GPHN: variants seen among roughly 807,000 people sequenced by gnomAD.
GPHN encodes the protein gephyrin.
In GPHN, 17 loss-of-function variants were observed where a neutral mutation model predicts 95.5. The observed-to-expected ratio is 0.18, with a 90% CI of 0.12 to 0.27. The LOEUF (loss-of-function observed/expected upper bound fraction) is 0.27, where lower values mean the gene tolerates loss of function less well. Among genes scored for constraint, GPHN ranks in the 10% least tolerant of loss-of-function variants. GPHN has a pLI of 1.00. For synonymous variants in GPHN, 320 were observed against 322.5 expected (o/e 0.99, Z 0.08); for missense variants, 660 against 978.1 (o/e 0.67, Z 4.34).
intron 1 of GPHN, among the ~76,000 whole-genome samples, chr14:66,622,659 C>G (rs1022278286): frequency 6.6e-5 from 10 of 152,152 alleles, no homozygotes; most frequent in African/African-American, 2.4e-4. Context: ...AATCATCTCT[C>G]TCAAGTTCAA....
At chr14:66,551,165 G>C (rs1028793432) in intron 1 of GPHN, 3 of 152,552 alleles carry the variant, frequency 2.0e-5, no homozygotes. Context: ...CCAGCAGTAA[G>C]GTATTTTTAA....
At chr14:67,457,058 A>G in the GPHN span, among the ~76,000 whole-genome samples, 1 of 152,218 alleles carries the variant, frequency 6.6e-6, no homozygotes, top group African/African-American at 2.4e-5. Context: ...CTTCTCGTGT[A>G]TAAGTGGGAG....
the GPHN span, among the ~76,000 whole-genome samples, chr14:67,700,039 T>C: frequency 1.3e-5 from 2 of 151,158 alleles, no homozygotes; most frequent in African/African-American, 4.9e-5. Flanking sequence ...CCTTGGGAGA[T>C]GGAGGCAGGA....
chr14:66,558,230 A>G (rs757976977), intron 1 of GPHN, among the ~76,000 whole-genome samples: 12 of 152,252 alleles, frequency 7.9e-5, no homozygotes, highest in African/African-American at 2.6e-4. Context: ...ATAAGCTTAT[A>G]GCTTCCTGAG....
At chr14:67,096,069 C>T (rs2153673567) in intron 12 of GPHN, among the ~76,000 whole-genome samples, 1 of 149,846 alleles carries the variant, frequency 6.7e-6, no homozygotes, top group Non-Finnish European at 1.5e-5. Flanking sequence ...TTTGCATGCA[C>T]ATTAACTGTT....
At chr14:67,641,696 T>C in the GPHN span, among the ~76,000 whole-genome samples, 1 of 152,130 alleles carries the variant, frequency 6.6e-6, no homozygotes, top group Non-Finnish European at 1.5e-5. Flanking sequence ...TCCCAGCACT[T>C]TGGGAGGATG....
At chr14:66,567,447 G>A (rs573378364) in intron 1 of GPHN, among the ~76,000 whole-genome samples, 125 of 152,268 alleles carry the variant, frequency 8.2e-4, no homozygotes, top group Non-Finnish European at 1.4e-3. Context: ...GGATTGTTAT[G>A]ATTCTCTTTA....
intron 18 of GPHN, among the ~76,000 whole-genome samples, chr14:67,146,254 C>T (rs1378849899): frequency 1.3e-5 from 2 of 152,262 alleles, no homozygotes; most frequent in Non-Finnish European, 2.9e-5. Flanking sequence ...TACCTTCTTC[C>T]CAGCCAAGGA....
the GPHN span, among the ~76,000 whole-genome samples, chr14:67,365,869 T>A: frequency 1.3e-5 from 2 of 152,214 alleles, no homozygotes; most frequent in African/African-American, 4.8e-5. Context: ...TAATTTTTTT[T>A]ATTATAGCCT....
At chr14:66,792,776 A>C (rs1231266103) in intron 3 of GPHN, among the ~76,000 whole-genome samples, 1 of 152,240 alleles carries the variant, frequency 6.6e-6, no homozygotes, top group South Asian at 2.1e-4. Context: ...GAAGTGGGAA[A>C]TCAAGGGTCT....
chr14:67,562,089 G>T, the GPHN span: 1 of 1,601,634 alleles, frequency 6.2e-7, no homozygotes, highest in South Asian at 1.1e-5. Context: ...TGGGTATGGG[G>T]CTGAGCTACG....
chr14:67,729,153 A>C, the GPHN span: 1 of 1,599,912 alleles, frequency 6.3e-7, no homozygotes, highest in African/African-American at 1.3e-5. Flanking sequence ...CTGGGCTCAG[A>C]GTGTGTCCCT....
the GPHN span, chr14:67,411,940 C>T: frequency 2.3e-6 from 3 of 1,313,274 alleles, no homozygotes; most frequent in South Asian, 1.3e-5. Flanking sequence ...TTCCGGGGCG[C>T]GCGTCTGGCC....
intron 9 of GPHN, chr14:66,969,143 A>T (rs1017115605): frequency 6.6e-6 from 1 of 152,130 alleles, no homozygotes; most frequent in African/African-American, 2.4e-5. Context: ...TATATCGTAT[A>T]TAGGGAAAAG....
chr14:67,302,201 T>C, the GPHN span: 2 of 1,407,308 alleles, frequency 1.4e-6, no homozygotes, highest in African/African-American at 1.5e-5. Flanking sequence ...TTCAGAATTC[T>C]AATGAATAGA....
At chr14:66,687,026 T>C (rs961911158) in intron 2 of GPHN, among the ~76,000 whole-genome samples, 4 of 152,206 alleles carry the variant, frequency 2.6e-5, no homozygotes, top group African/African-American at 4.8e-5. Context: ...TTTTTGTCTT[T>C]GGTTCTGTTT....
At chr14:67,574,979 T>C in the GPHN span, among the ~76,000 whole-genome samples, 1 of 152,200 alleles carries the variant, frequency 6.6e-6, no homozygotes, top group East Asian at 1.9e-4. This position sits in a 1 kb window ranked among gnomAD's most constrained non-coding sequence, Gnocchi z 4.2. Flanking sequence ...TCAATCTGTT[T>C]ATGTCATTCT....
At chr14:67,331,001 G>A in the GPHN span, among the ~76,000 whole-genome samples, 1 of 152,024 alleles carries the variant, frequency 6.6e-6, no homozygotes, top group Non-Finnish European at 1.5e-5. Context: ...AGAGGATGGT[G>A]TATCTGATTG....
At chr14:67,654,566 G>A in the GPHN span, among the ~76,000 whole-genome samples, 18 of 152,168 alleles carry the variant, frequency 1.2e-4, no homozygotes, top group East Asian at 3.3e-3. Flanking sequence ...CACTGAAGAG[G>A]GCAGGGCATT....
Sources: gnomAD v4.1 joint callset for allele counts (sites outside exome capture counted in the v4.1 genomes callset) on GRCh38, gnomAD v4.1.1 for gene constraint, Gnocchi (gnomAD v3.1) non-coding constraint, MANE v1.5 for transcripts, NCBI Gene and HGNC (gene_info 2026-07-23, HGNC 2026-07-21) for gene names.